Variants in PET117 observed in about 807,000 individuals in gnomAD.
PET117 encodes PET117 cytochrome c oxidase chaperone.
PET117 carries 10 observed loss-of-function variants against 9.2 expected under a neutral mutation model. The ratio of observed to expected loss-of-function variants is 1.09; its 90% CI spans 0.67 to 1.85. The LOEUF (loss-of-function observed/expected upper bound fraction) is 1.85. Ranked by LOEUF, PET117 falls within the 40% of genes most tolerant of loss-of-function variation. The probability of loss-of-function intolerance (pLI) is 0.00; values close to 1 mark genes in which losing one functional copy is unlikely to be tolerated. For missense variants in PET117, 96 were observed against 98.2 expected, an observed-to-expected ratio of 0.98 and a Z score of 0.09; for synonymous variants, 43 against 37.1, an observed-to-expected ratio of 1.16 and a Z score of -0.57.
chr20:18,140,996 C>T (rs1056487059), intron 1 of PET117, among the ~76,000 whole-genome samples: 18 of 142,614 alleles, frequency 1.3e-4, no homozygotes, highest in Non-Finnish European at 2.4e-4. Flanking sequence ...TAGCTGGGAA[C>T]ACAGGCACAC....
chr20:18,141,956 T>G (rs1262622825), intron 1 of PET117, among the ~76,000 whole-genome samples: 3 of 152,346 alleles, frequency 2.0e-5, no homozygotes, highest in Non-Finnish European at 4.4e-5. Context: ...TTAAATTTTC[T>G]GTACTAAATG....
In PET117 at chr20:18,142,417, G is replaced by A. The variant is rs2037622185; in HGVS notation, c.*60G>A. 1 of 1,501,106 alleles carries A rather than the reference G, an allele frequency of 6.7e-7. No homozygotes were observed. Among genetic ancestry groups the A allele is most frequent in the Admixed American group, 2.1e-5 (1 of 46,556 alleles). 93.0% of individuals were successfully genotyped at this position (1,501,106 alleles called of 1,614,324 possible). A position where few individuals can be genotyped will look rare whatever the true frequency, so the allele number is the denominator to read the frequency against. On this transcript the variant is annotated 3_prime_UTR_variant, in exon 2 of 2. Coordinates refer to ENST00000432901, the MANE Select transcript of PET117 (RefSeq NM_001164811.2). ...GAGTTTGTGTGTGTGTGTTGATGGAGAGTAGCTTAGTAGTATCTTCATCTT... is the reference window on the plus strand; with the variant it reads ...GAGTTTGTGTGTGTGTGTTGATGGAAAGTAGCTTAGTAGTATCTTCATCTT...
chr20:18,138,378 C>G (rs2037382774), intron 1 of PET117: 1 of 1,057,064 alleles, frequency 9.5e-7, no homozygotes, highest in African/African-American at 1.7e-5. Context: ...GCTCTGTTTT[C>G]AAGTCACAGC....
Position 18,142,768 on chromosome 20 carries a change from G to A in PET117, c.*411G>A, listed in dbSNP as rs374168048. Reference sequence around the variant, plus strand: ...AGGAAGGTGAAGTGGAGGGAGAGACGCTCCTGATCGTCGAATCCGAGGATC... The same window carrying A: ...AGGAAGGTGAAGTGGAGGGAGAGACACTCCTGATCGTCGAATCCGAGGATC... On this transcript the variant is annotated 3_prime_UTR_variant, in exon 2 of 2. Transcript: ENST00000432901. 6.5e-5 allele frequency: 105 copies of A among 1,614,156 alleles called. No individual in the cohort carries two copies. The highest frequency in any genetic ancestry group is 8.3e-5 in the Non-Finnish European group (98 of 1,180,018).
chr20:18,137,981 T>C lies in PET117; in HGVS notation c.26T>C (p.Leu9Pro). Residue 9 changes from leucine to proline, a missense_variant, in exon 1 of 2, where the codon CTG (leucine) becomes CCG (proline). Physicochemically the swap from Leu to Pro is moderately conservative, Grantham distance 98. Transcript: ENST00000432901. The part of the protein sequence containing the change: MSRSSKVV[L>P]GLSVLLTAAT... ...ATGTCTAGGAGCTCGAAGGTGGTGC[T>C]GGGCCTCTCGGTGCTGCTGACGGCG... is the stretch of plus-strand genomic sequence containing the variant. The C allele has an allele frequency of 1.3e-6, 2 of 1,504,928 alleles. No individual in the cohort carries two copies. Among genetic ancestry groups the C allele is most frequent in the South Asian group, 1.2e-5 (1 of 80,736 alleles). The allele number at this position is 1,504,928 out of a possible 1,614,324, so 93.2% of individuals were successfully genotyped here. A position where few individuals can be genotyped will look rare whatever the true frequency, so the allele number is the denominator to read the frequency against.
intron 1 of PET117, among the ~76,000 whole-genome samples, chr20:18,140,957 A>C (rs2037526433): frequency 6.9e-6 from 1 of 144,622 alleles, no homozygotes; most frequent in African/African-American, 2.6e-5. Context: ...TCCCAGGCTG[A>C]GGTGATCCTA....
At position 18,142,701 on chromosome 20, in the gene PET117, A is replaced by G. The variant is rs377600919; in HGVS notation, c.*344A>G. ...CACCTGAGTAGTCTGATCAGTCGGC[A>G]TGATGACGAAGCCACGAGAACATCG... On this transcript the variant is annotated 3_prime_UTR_variant, in exon 2 of 2. Transcript: ENST00000432901. 1.2e-6 allele frequency: 2 copies of G among 1,614,204 alleles called. No homozygotes were observed. Among genetic ancestry groups the G allele is most frequent in the Non-Finnish European group, 8.5e-7 (1 of 1,180,042 alleles).
At chr20:18,138,352 T>G (rs754216135) in intron 1 of PET117, 105 of 1,091,054 alleles carry the variant, frequency 9.6e-5, no homozygotes, top group Admixed American at 1.6e-4. Flanking sequence ...CACGCAAGCT[T>G]TTGGGGTGCC....
Position 18,137,977 on chromosome 20 carries a change from G to T in PET117, c.22G>T (p.Val8Leu). 1 of 1,505,302 alleles carries T rather than the reference G, an allele frequency of 6.6e-7. No individual in the cohort carries two copies. Among genetic ancestry groups the T allele is most frequent in the Non-Finnish European group, 8.8e-7 (1 of 1,133,986 alleles). The allele number at this position is 1,505,302 out of a possible 1,614,324, so 93.2% of individuals were successfully genotyped here. MSRSSKVVLGLSVLLTAA... is the reference protein window; with the variant it reads MSRSSKVLLGLSVLLTAA... Reference sequence around the variant, plus strand: ...GGGGATGTCTAGGAGCTCGAAGGTGGTGCTGGGCCTCTCGGTGCTGCTGAC... The same window carrying T: ...GGGGATGTCTAGGAGCTCGAAGGTGTTGCTGGGCCTCTCGGTGCTGCTGAC... The change falls in exon 1 of 2, where the codon GTG becomes TTG. Residue 8 changes from valine to leucine, a missense_variant. By Grantham distance (32) the Val-to-Leu change is conservative. Coordinates refer to ENST00000432901, the MANE Select transcript of PET117 (RefSeq NM_001164811.2).
In PET117 at chr20:18,142,682, A is replaced by C. The variant is rs1241217824; in HGVS notation, c.*325A>C. On this transcript the variant is annotated 3_prime_UTR_variant, in exon 2 of 2. Transcript: ENST00000432901. ...AGGGATGGATAGTAGCATCCACCTG[A>C]GTAGTCTGATCAGTCGGCATGATGA... The C allele has an allele frequency of 1.9e-6, 3 of 1,614,188 alleles. No homozygotes were observed. In the Admixed American group the frequency reaches 5.0e-5, roughly 27 times the overall value.
intron 1 of PET117, among the ~76,000 whole-genome samples, chr20:18,141,459 T>A (rs2037575136): frequency 6.6e-6 from 1 of 152,232 alleles, no homozygotes; most frequent in South Asian, 2.1e-4. Context: ...CAAGTTGAGA[T>A]TTTAGTAATC....
chr20:18,140,601 G>A (rs1255708604), intron 1 of PET117, among the ~76,000 whole-genome samples: 3 of 151,908 alleles, frequency 2.0e-5, no homozygotes, highest in African/African-American at 7.3e-5. Context: ...TTTGAGGTCA[G>A]GAGTTCGAGA....
rs559379313 is a variant in PET117 at position 18,140,980 on chromosome 20, C to T, written c.97-1228C>T. Among the ~76,000 whole-genome samples, 323 of 146,736 alleles carry T rather than the reference C, an allele frequency of 2.2e-3. 1 individual carries two copies. The highest frequency in any genetic ancestry group is 7.6e-3 in the African/African-American group (302 of 39,778). On this transcript the variant is annotated intron_variant, in intron 1 of 1. Transcript: ENST00000432901. Reference sequence around the variant, plus strand: ...TGAGGTGATCCTATCACCTCAGCCTCCGGAGTAGCTGGGAACACAGGCACA... The same window carrying T: ...TGAGGTGATCCTATCACCTCAGCCTTCGGAGTAGCTGGGAACACAGGCACA...
chr20:18,139,251 TTGGAATAGAGGCAGAAGACTTCCG>T (rs1262930981), intron 1 of PET117, among the ~76,000 whole-genome samples: 1 of 152,162 alleles, frequency 6.6e-6, no homozygotes, highest in African/African-American at 2.4e-5. Flanking sequence ...GGGCTGGCTT[TTGGAATAGAGGCAGAAGACTTCCG>T]CCTCTTACAA....
At chr20:18,138,116 GTC>G (rs1481875683) in intron 1 of PET117, 65 bp downstream of exon 1, 1 of 1,408,584 alleles carries the variant, frequency 7.1e-7, no homozygotes, top group Non-Finnish European at 9.2e-7. Flanking sequence ...GCCTCTCGTG[GTC>G]TCTGCCCGCT....
chr20:18,139,839 C>T (rs969893013), intron 1 of PET117, among the ~76,000 whole-genome samples: 1 of 152,076 alleles, frequency 6.6e-6, no homozygotes, highest in African/African-American at 2.4e-5. Context: ...CTACCACATA[C>T]CAGGCAGTGT....
At chr20:18,138,125 C>T (rs1453240006) in intron 1 of PET117, 74 bp downstream of exon 1, 14 of 1,387,536 alleles carry the variant, frequency 1.0e-5, no homozygotes, top group African/African-American at 1.5e-5. Context: ...GGTCTCTGCC[C>T]GCTCGGTTCC....
chr20:18,138,354 T>TG (rs1342793152), intron 1 of PET117: 7 of 1,086,018 alleles, frequency 6.4e-6, no homozygotes, highest in Non-Finnish European at 1.1e-6. Flanking sequence ...CGCAAGCTTT[T>TG]GGGGTGCCCA....
chr20:18,138,220 G>A (rs1361197368), intron 1 of PET117, 169 bp downstream of exon 1: 2 of 1,260,246 alleles, frequency 1.6e-6, no homozygotes, highest in Non-Finnish European at 2.0e-6. Flanking sequence ...CCGCTCTGCT[G>A]GGCTCCGGGC....
Sources: gnomAD v4.1 joint callset for allele counts (sites outside exome capture counted in the v4.1 genomes callset) on GRCh38, gnomAD v4.1.1 for gene constraint, MANE v1.5 for transcripts, NCBI Gene and HGNC (gene_info 2026-07-23, HGNC 2026-07-21) for gene names.